The following MCF2 variants were observed in gnomAD, a reference collection of about 807,000 sequenced individuals.
MCF2 encodes proto-oncogene DBL.
In MCF2, 44 loss-of-function variants were observed where a neutral mutation model predicts 82.5. That is an observed-to-expected ratio of 0.53 (90% confidence interval 0.42 to 0.69). The LOEUF (loss-of-function observed/expected upper bound fraction) is 0.69. Ranked by LOEUF, MCF2 falls within the 30% of genes least tolerant of loss-of-function variation. MCF2 has a pLI of 0.00. For synonymous variants in MCF2, 217 were observed against 224.9 expected (o/e 0.96, Z 0.32); for missense variants, 623 against 663.1 (o/e 0.94, Z 0.66).
chrX:139,609,842 A>C (rs919252715), intron 11 of MCF2, among the ~76,000 whole-genome samples: 3 of 111,920 alleles, frequency 2.7e-5, no homozygotes, highest in African/African-American at 6.5e-5. Flanking sequence ...GTCTCTAAAA[A>C]AACTTAAAAA....
At chrX:139,609,627 T>C (rs182478962) in intron 11 of MCF2, among the ~76,000 whole-genome samples, 1 of 111,322 alleles carries the variant, frequency 9.0e-6, no homozygotes, top group Non-Finnish European at 1.9e-5. Flanking sequence ...GATATCAGAT[T>C]ATCATGGATA....
intron 10 of MCF2, 127 bp from the exon 14 acceptor site, chrX:139,613,390 T>C: frequency 2.0e-6 from 1 of 490,996 alleles, no homozygotes; most frequent in Non-Finnish European, 3.3e-6. Context: ...CAAAACTCCG[T>C]TCCTCAACCC....
chrX:139,656,121 G>C (rs112849376), intron 1 of MCF2, among the ~76,000 whole-genome samples: 1 of 112,100 alleles, frequency 8.9e-6, no homozygotes, highest in East Asian at 2.8e-4. Flanking sequence ...AAGTGCAGTG[G>C]CGCGATCTCG....
At chrX:139,615,111 C>CA (rs1176809337) in intron 9 of MCF2, 59 bp from the exon 13 acceptor site, 3 of 878,623 alleles carry the variant, frequency 3.4e-6, no homozygotes, top group Non-Finnish European at 4.8e-6. Flanking sequence ...TTACAAACCC[C>CA]ATTACATTTC....
chrX:139,645,672 A>G, upstream of MCF2: 12 of 1,040,385 alleles, frequency 1.2e-5, no homozygotes, highest in Non-Finnish European at 1.6e-5. Flanking sequence ...AACGATAAGA[A>G]GAAATAAGAA....
chrX:139,648,979 A>T (rs1016760451), intron 2 of MCF2, among the ~76,000 whole-genome samples: 4 of 112,170 alleles, frequency 3.6e-5, no homozygotes, highest in African/African-American at 1.3e-4. Flanking sequence ...ATCTCTCAAT[A>T]ATTGATAGAA....
chrX:139,593,796 T>A (rs768602836), intron 19 of MCF2, among the ~76,000 whole-genome samples: 3 of 110,984 alleles, frequency 2.7e-5, no homozygotes, highest in African/African-American at 9.8e-5. Context: ...CACATGATTA[T>A]CTCAATAGAA....
At chrX:139,637,168 T>C (rs186633244) in intron 1 of MCF2, among the ~76,000 whole-genome samples, 3 of 112,083 alleles carry the variant, frequency 2.7e-5, no homozygotes, top group Non-Finnish European at 5.6e-5. Context: ...AGCACATGGA[T>C]TCTGTTAACC....
intron 6 of MCF2, among the ~76,000 whole-genome samples, chrX:139,622,450 A>T (rs1199890550): frequency 6.3e-5 from 7 of 111,877 alleles, no homozygotes; most frequent in Non-Finnish European, 1.3e-4. Flanking sequence ...TTGTGGCACT[A>T]TTCACAATAG....
chrX:139,611,276 G>A (rs1403992024), intron 10 of MCF2, among the ~76,000 whole-genome samples: 2 of 111,660 alleles, frequency 1.8e-5, no homozygotes, highest in Non-Finnish European at 3.8e-5. Flanking sequence ...ATGTTCTCTA[G>A]ACTCCATACT....
At chrX:139,629,826 G>A in exon 4 of MCF2, 1 of 1,207,694 alleles carries the variant, frequency 8.3e-7, no homozygotes, top group Non-Finnish European at 1.1e-6. Context: ...TTCACTGTGA[G>A]GGCAAAATTT....
intron 1 of MCF2, among the ~76,000 whole-genome samples, chrX:139,690,776 C>G (rs5954224): frequency 4.5e-5 from 5 of 111,869 alleles, no homozygotes; most frequent in African/African-American, 1.6e-4. Context: ...ACCAAAACTT[C>G]CACTGCAAGG....
chrX:139,617,673 A>G, exon 8 of MCF2: 1 of 1,193,779 alleles, frequency 8.4e-7, no homozygotes, highest in Non-Finnish European at 1.1e-6. Context: ...GTGTCCATGT[A>G]ATATCACAAA....
intron 1 of MCF2, among the ~76,000 whole-genome samples, chrX:139,680,107 T>C (rs1934964373): frequency 8.9e-6 from 1 of 111,789 alleles, no homozygotes; most frequent in African/African-American, 3.2e-5. Flanking sequence ...TCTCCATCTT[T>C]ACTTATTTTT....
intron 1 of MCF2, among the ~76,000 whole-genome samples, chrX:139,634,487 A>G: frequency 8.9e-6 from 1 of 112,290 alleles, no homozygotes; most frequent in Middle Eastern, 4.6e-3. Context: ...TCAATTTGAG[A>G]TGGTGATAAA....
At chrX:139,653,049 A>C (rs893478907) in intron 1 of MCF2, among the ~76,000 whole-genome samples, 6 of 112,270 alleles carry the variant, frequency 5.3e-5, no homozygotes, top group Non-Finnish European at 1.1e-4. Flanking sequence ...GTCATTTCTT[A>C]AAAATGTCTT....
intron 24 of MCF2, among the ~76,000 whole-genome samples, chrX:139,583,557 C>T (rs1256270863): frequency 9.0e-6 from 1 of 110,783 alleles, no homozygotes; most frequent in African/African-American, 3.3e-5. Context: ...ATTGGGTACA[C>T]GTGGACACAA....
At chrX:139,681,000 T>C (rs1934985371) in intron 1 of MCF2, among the ~76,000 whole-genome samples, 1 of 112,339 alleles carries the variant, frequency 8.9e-6, no homozygotes, top group East Asian at 2.8e-4. Flanking sequence ...GCCACTGCTT[T>C]TTGCTCTATG....
At chrX:139,647,556 T>C (rs1933844878), upstream of MCF2, among the ~76,000 whole-genome samples, 2 of 111,426 alleles carry the variant, frequency 1.8e-5, no homozygotes, top group East Asian at 5.7e-4. Flanking sequence ...CCTGGAGCAG[T>C]TGCATCCAGC....
Sources: gnomAD v4.1 joint callset for allele counts (sites outside exome capture counted in the v4.1 genomes callset) on GRCh38, gnomAD v4.1.1 for gene constraint, MANE v1.5 for transcripts, NCBI Gene and HGNC (gene_info 2026-07-23, HGNC 2026-07-21) for gene names.